TYW5: variants seen among roughly 807,000 people sequenced by gnomAD.
TYW5 encodes tRNA-yW synthesizing protein 5, also known as tRNA wybutosine-synthesizing protein 5.
Under a neutral mutation model 44.4 loss-of-function variants are expected in TYW5, and 36 were observed. The observed-to-expected ratio is 0.81, with a 90% CI of 0.62 to 1.07. TYW5 has a LOEUF of 1.07. Among genes scored for constraint, TYW5 ranks in the 50% least tolerant of loss-of-function variants. The pLI is 0.00. For synonymous variants in TYW5, 121 were observed against 128.1 expected (o/e 0.94, Z 0.37); for missense variants, 354 against 365.7 (o/e 0.97, Z 0.26).
rs2077454801 is a variant in TYW5 at position 199,940,476 on chromosome 2, G to A, written c.304-343C>T. On this transcript the variant is annotated intron_variant, in intron 3 of 7. Transcript: ENST00000354611. ...AAGACCAGCCTGGGCAACAGAGTGA[G>A]ACACCATCTACAAAAAATTAGCTGG... 2.0e-5 allele frequency among the ~76,000 whole-genome samples: 3 copies of A among 151,968 alleles called. No homozygotes were observed. The South Asian group carries it at 6.2e-4, about 32-fold the overall frequency.
In TYW5 at chr2:199,929,573, T is replaced by G. The variant is rs1216238867; in HGVS notation, c.*3494A>C. 2.3e-4 allele frequency among the ~76,000 whole-genome samples: 21 copies of G among 91,934 alleles called. No homozygotes were observed. The highest frequency in any genetic ancestry group is 3.5e-4 in the South Asian group (1 of 2,864). 60.3% of individuals were successfully genotyped at this position (91,934 alleles called of 152,430 possible). ...TCCTGCATTTTTTTTTTTTTTTTTT[T>G]GTCAACTCCTTTGATGTCTGTTGGC... On this transcript the variant is annotated 3_prime_UTR_variant, in exon 8 of 8. Coordinates refer to ENST00000354611, the MANE Select transcript of TYW5 (RefSeq NM_001039693.3).
chr2:199,951,823 T>C (rs1333486068), intron 1 of TYW5, among the ~76,000 whole-genome samples: 1 of 152,124 alleles, frequency 6.6e-6, no homozygotes, highest in South Asian at 2.1e-4. Context: ...GAGACCATCC[T>C]GGCTAACACA....
At chr2:199,940,510 G>T (rs1171300336) in intron 3 of TYW5, among the ~76,000 whole-genome samples, 1 of 151,918 alleles carries the variant, frequency 6.6e-6, no homozygotes, top group Admixed American at 6.6e-5. Context: ...GGGCATGGTG[G>T]TACGTGCCTG....
In TYW5 at chr2:199,932,389, C is replaced by T. The variant is rs921573959; in HGVS notation, c.*678G>A. The T allele has an allele frequency of 6.6e-6, 1 of 152,180 alleles. No individual in the cohort carries two copies. Among genetic ancestry groups the T allele is most frequent in the Non-Finnish European group, 1.5e-5 (1 of 68,052 alleles). The allele number at this position is 152,180 out of a possible 1,614,324, so 9.4% of individuals were successfully genotyped here. ...TTTAAAAAAACTATCCTTTCTGTCCCCATATATCCCTCATGTGGCCTCCAC... is the reference window on the plus strand; with the variant it reads ...TTTAAAAAAACTATCCTTTCTGTCCTCATATATCCCTCATGTGGCCTCCAC... On this transcript the variant is annotated 3_prime_UTR_variant, in exon 8 of 8. Coordinates refer to ENST00000354611, the MANE Select transcript of TYW5 (RefSeq NM_001039693.3).
chr2:199,936,473 A>G lies in TYW5; in HGVS notation c.506T>C (p.Ile169Thr), dbSNP rs2077421995. Residue 169 changes from isoleucine (I) to threonine (T), a missense_variant, in exon 6 of 8, where the codon ATA becomes ACA. Transcript: ENST00000354611. ...AACACGCTTTTTTCCTGTCACTTGT[A>G]TTAACAAATTATCCATTACCTGAAG... ...THYDVMDNLL[I>T]QVTGKKRVVL... is the part of the protein sequence containing the mutation. The G allele has an allele frequency of 5.6e-6, 9 of 1,613,182 alleles. No homozygotes were observed. The highest frequency in any genetic ancestry group is 7.6e-6 in the Non-Finnish European group (9 of 1,179,592).
chr2:199,955,394 T>C lies in TYW5; in HGVS notation c.77A>G (p.Gln26Arg). 6.2e-7 allele frequency: 1 copy of C among 1,613,526 alleles called. No individual in the cohort carries two copies. Among genetic ancestry groups the C allele is most frequent in the Non-Finnish European group, 8.5e-7 (1 of 1,179,834 alleles). ...REQFMQHLYP[Q>R]RKPLVLEGID... The stretch of plus-strand genomic sequence containing the variant: ...TTCTGCCCCGCGCGAGGGCCTCACC[T>C]GTGGGTAGAGGTGCTGCATGAACTG... Residue 26 changes from glutamine (Q) to arginine (R), a missense_variant and splice_region_variant, in exon 1 of 8, where the codon CAG becomes CGG. Physicochemically the swap from Gln to Arg is conservative, Grantham distance 43. Transcript: ENST00000354611.
intron 3 of TYW5, chr2:199,943,423 G>A (rs1016574478): frequency 2.8e-5 from 5 of 177,910 alleles, no homozygotes; most frequent in African/African-American, 7.1e-5. Flanking sequence ...TTAAAAGGAC[G>A]TAACATTAAT....
At chr2:199,939,167 T>C in intron 4 of TYW5, 97 bp from the exon 5 acceptor site, 10 of 1,107,588 alleles carry the variant, frequency 9.0e-6, no homozygotes, top group Non-Finnish European at 1.2e-5. Context: ...TAAAATACTA[T>C]GATGTGACCA....
intron 5 of TYW5, 51 bp downstream of exon 5, chr2:199,938,882 A>G (rs1343714186): frequency 6.6e-7 from 1 of 1,519,510 alleles, no homozygotes; most frequent in East Asian, 2.3e-5. Context: ...TGTTAAATCT[A>G]TAATGCTAAA....
In TYW5 at chr2:199,955,414, G is replaced by A; in HGVS notation, c.57C>T (p.Phe19=). 6.2e-7 allele frequency: 1 copy of A among 1,613,864 alleles called. No individual in the cohort carries two copies. Among genetic ancestry groups the A allele is most frequent in the Non-Finnish European group, 8.5e-7 (1 of 1,179,954 alleles). ...TCACCTGTGGGTAGAGGTGCTGCATGAACTGCTCCCGAGAAACGCCCTCCA... is the reference window on the plus strand; with the variant it reads ...TCACCTGTGGGTAGAGGTGCTGCATAAACTGCTCCCGAGAAACGCCCTCCA... ...PRLEGVSREQ[F]MQHLYPQRKP... The change falls in exon 1 of 8, where the codon TTC becomes TTT. Residue 19 remains phenylalanine, a synonymous_variant. Coordinates refer to ENST00000354611, the MANE Select transcript of TYW5 (RefSeq NM_001039693.3).
At chr2:199,943,905 C>T in intron 2 of TYW5, 71 bp from the exon 3 acceptor site, 1 of 1,111,644 alleles carries the variant, frequency 9.0e-7, no homozygotes, top group South Asian at 1.6e-5. Flanking sequence ...AATCACTATA[C>T]ATAAAGGCTT....
chr2:199,935,794 G>T (rs2077415678), intron 7 of TYW5, 137 bp downstream of exon 7: 1 of 619,816 alleles, frequency 1.6e-6, no homozygotes, highest in Non-Finnish European at 2.9e-6. Flanking sequence ...ACAGAGTTTT[G>T]TCTAAAAATC....
chr2:199,955,256 G>T, intron 1 of TYW5, 137 bp downstream of exon 1: 2 of 972,806 alleles, frequency 2.1e-6, no homozygotes, highest in Non-Finnish European at 3.0e-6. Context: ...TGGTCTAAGG[G>T]CCAACCAGTG....
At position 199,929,555 on chromosome 2, in the gene TYW5, T is replaced by A. The variant is rs1477686981; in HGVS notation, c.*3512A>T. Among the ~76,000 whole-genome samples, 1 of 5,662 alleles carries A rather than the reference T, an allele frequency of 1.8e-4. No homozygotes were observed. The highest frequency in any genetic ancestry group is 7.1e-4 in the African/African-American group (1 of 1,418). 3.7% of individuals were successfully genotyped at this position (5,662 alleles called of 152,430 possible). On this transcript the variant is annotated 3_prime_UTR_variant, in exon 8 of 8. Transcript: ENST00000354611. ...CAGGCCTGCCTTCCAGCTTCCTGCA[T>A]TTTTTTTTTTTTTTTTTTGTCAACT...
intron 7 of TYW5, 81 bp downstream of exon 7, chr2:199,935,850 A>C: frequency 3.2e-6 from 1 of 307,974 alleles, no homozygotes; most frequent in Non-Finnish European, 5.5e-6. Context: ...TATTTGTACT[A>C]AAAAAAAAAA....
chr2:199,940,600 G>A (rs1232193504), intron 3 of TYW5, among the ~76,000 whole-genome samples: 16 of 147,732 alleles, frequency 1.1e-4, no homozygotes, highest in African/African-American at 4.0e-4. Context: ...GACAGAGCAA[G>A]ACCTTTTCAA....
intron 4 of TYW5, 122 bp from the exon 5 acceptor site, chr2:199,939,192 ATCTC>A (rs751643465): frequency 1.9e-4 from 157 of 821,836 alleles, no homozygotes; most frequent in South Asian, 2.6e-4. Context: ...CCAATACATG[ATCTC>A]TCTCTCTCTA....
chr2:199,949,095 C>A (rs906845685), intron 1 of TYW5, among the ~76,000 whole-genome samples: 10 of 151,970 alleles, frequency 6.6e-5, no homozygotes, highest in African/African-American at 2.4e-5. Context: ...CAGTGGCTCA[C>A]GCTTGTAATC....
intron 2 of TYW5, chr2:199,946,436 G>A (rs1404795215): frequency 6.6e-6 from 1 of 152,130 alleles, no homozygotes; most frequent in Non-Finnish European, 1.5e-5. Context: ...GGAATTACAG[G>A]ATGTGACAGG....
Sources: gnomAD v4.1 joint callset for allele counts (sites outside exome capture counted in the v4.1 genomes callset) on GRCh38, gnomAD v4.1.1 for gene constraint, MANE v1.5 for transcripts, NCBI Gene and HGNC (gene_info 2026-07-23, HGNC 2026-07-21) for gene names.